Variants in FSTL5 observed in about 807,000 individuals in gnomAD.
FSTL5 encodes follistatin like 5.
FSTL5 carries 62 observed loss-of-function variants against 89.1 expected under a neutral mutation model. The ratio of observed to expected loss-of-function variants is 0.70; its 90% CI spans 0.57 to 0.86. The LOEUF is 0.86. Ranked by LOEUF, FSTL5 falls within the 40% of genes least tolerant of loss-of-function variation. The probability of loss-of-function intolerance (pLI) is 0.00; values close to 1 mark genes in which losing one functional copy is unlikely to be tolerated. For synonymous variants in FSTL5, 383 were observed against 346.2 expected, an observed-to-expected ratio of 1.11 and a Z score of -1.18; for missense variants, 1,057 against 1,001.6, an observed-to-expected ratio of 1.06 and a Z score of -0.75.
chr4:162,124,279 C>T, intron 1 of FSTL5, among the ~76,000 whole-genome samples: 1 of 152,104 alleles, frequency 6.6e-6, no homozygotes, highest in East Asian at 1.9e-4. Context: ...GATGCTGTTT[C>T]TAGACTGAGG....
intron 3 of FSTL5, among the ~76,000 whole-genome samples, chr4:161,992,859 A>AG (rs1485914578): frequency 6.8e-5 from 1 of 14,808 alleles, no homozygotes; most frequent in African/African-American, 2.4e-4. Flanking sequence ...AAAAAAAAAA[A>AG]AAATATATAT....
At position 161,947,068 on chromosome 4, in the gene FSTL5, G is replaced by A. The variant is rs112874850; in HGVS notation, c.161-26416C>T. The stretch of plus-strand genomic sequence containing the variant: ...TTTTTTGTCCAGATGTATTGGGTCT[G>A]ATATCATTTTATACTGAATTTTAGA... On this transcript the variant is annotated intron_variant, in intron 3 of 15. Transcript: ENST00000306100. 3.6e-3 allele frequency among the ~76,000 whole-genome samples: 541 copies of A among 151,946 alleles called. 2 individuals carry two copies. Among genetic ancestry groups the A allele is most frequent in the African/African-American group, 0.013 (519 of 41,478 alleles).
At chr4:161,894,486 T>C (rs1382242738) in intron 4 of FSTL5, among the ~76,000 whole-genome samples, 3 of 152,126 alleles carry the variant, frequency 2.0e-5, no homozygotes, top group African/African-American at 7.2e-5. Flanking sequence ...ATATCTTTTT[T>C]CTTTTTTCTT....
At chr4:161,690,939 A>AGT (rs1220717591) in intron 6 of FSTL5, among the ~76,000 whole-genome samples, 2 of 152,160 alleles carry the variant, frequency 1.3e-5, no homozygotes, top group East Asian at 3.8e-4. Context: ...TGCTAAGAAT[A>AGT]GTGGCCTCTA....
At chr4:161,544,553 G>A (rs560625179) in intron 8 of FSTL5, among the ~76,000 whole-genome samples, 61 of 152,048 alleles carry the variant, frequency 4.0e-4, no homozygotes, top group Admixed American at 3.9e-4. Flanking sequence ...GGCTTAGATA[G>A]TGGTGATGGT....
chr4:162,016,321 C>T (rs1736914400), intron 3 of FSTL5, among the ~76,000 whole-genome samples: 1 of 152,084 alleles, frequency 6.6e-6, no homozygotes, highest in African/African-American at 2.4e-5. Context: ...TAAAAATAGA[C>T]TGTGATAATC....
intron 1 of FSTL5, among the ~76,000 whole-genome samples, chr4:162,151,677 G>C (rs1250292597): frequency 6.6e-6 from 1 of 152,120 alleles, no homozygotes; most frequent in East Asian, 1.9e-4. Flanking sequence ...TCACACAGCA[G>C]GGTTTCCATA....
At chr4:161,737,743 T>C (rs1739867297) in intron 6 of FSTL5, among the ~76,000 whole-genome samples, 2 of 151,962 alleles carry the variant, frequency 1.3e-5, no homozygotes, top group Non-Finnish European at 2.9e-5. Context: ...TAGTTCCTTA[T>C]GTTGTATAAC....
chr4:162,003,087 T>A (rs1008718091), intron 3 of FSTL5, among the ~76,000 whole-genome samples: 5 of 152,036 alleles, frequency 3.3e-5, no homozygotes, highest in Non-Finnish European at 7.4e-5. Flanking sequence ...GAGCTTGCAG[T>A]GAGCCGAGAT....
chr4:161,949,654 GTAA>G (rs1185492401), intron 3 of FSTL5, among the ~76,000 whole-genome samples: 1 of 151,224 alleles, frequency 6.6e-6, no homozygotes, highest in Non-Finnish European at 1.5e-5. Flanking sequence ...ATTGTTTATA[GTAA>G]TTATTATATT....
intron 6 of FSTL5, among the ~76,000 whole-genome samples, chr4:161,694,592 T>A (rs995097197): frequency 6.6e-6 from 1 of 152,114 alleles, no homozygotes; most frequent in Admixed American, 6.5e-5. Context: ...TAGTTAAGAA[T>A]GTTAAAGTCT....
chr4:161,685,254 T>A lies in FSTL5; in HGVS notation c.728-28760A>T, dbSNP rs145265728. On this transcript the variant is annotated intron_variant, in intron 6 of 15. Coordinates refer to ENST00000306100, the MANE Select transcript of FSTL5 (RefSeq NM_020116.5). ...CGGCACTTTTTTGGTCCATATGAAT[T>A]TTAGGATTGTGTTTTCCAATTCTTT... 4.4e-3 allele frequency among the ~76,000 whole-genome samples: 665 copies of A among 152,268 alleles called. 1 individual carries two copies. The highest frequency in any genetic ancestry group is 0.027 in the South Asian group (131 of 4,830).
At chr4:161,527,888 A>G (rs1170861646) in intron 10 of FSTL5, among the ~76,000 whole-genome samples, 4 of 150,768 alleles carry the variant, frequency 2.7e-5, no homozygotes, top group Non-Finnish European at 5.9e-5. Context: ...AAGACTTGGA[A>G]CCAACCCAAA....
chr4:161,420,622 T>C (rs1476374194), intron 15 of FSTL5, among the ~76,000 whole-genome samples: 1 of 151,836 alleles, frequency 6.6e-6, no homozygotes, highest in Non-Finnish European at 1.5e-5. Flanking sequence ...TCTCTTCATA[T>C]AGTCATATAT....
intron 15 of FSTL5, among the ~76,000 whole-genome samples, chr4:161,429,902 C>T (rs1369568327): frequency 6.6e-6 from 1 of 152,074 alleles, no homozygotes; most frequent in Non-Finnish European, 1.5e-5. Flanking sequence ...AATAAGTCAC[C>T]TGGGAGCACT....
At chr4:161,911,384 A>T (rs1002351106) in intron 4 of FSTL5, among the ~76,000 whole-genome samples, 10 of 152,136 alleles carry the variant, frequency 6.6e-5, no homozygotes, top group African/African-American at 2.4e-4. Flanking sequence ...ACTTTATTTC[A>T]TCTTGGTCTA....
chr4:161,779,781 A>ATG (rs1236628906), intron 4 of FSTL5, among the ~76,000 whole-genome samples: 24 of 39,522 alleles, frequency 6.1e-4, no homozygotes, highest in African/African-American at 4.5e-3. Context: ...ATATGTATAT[A>ATG]TATATATATA....
chr4:161,604,538 A>G (rs1352602119), intron 7 of FSTL5, among the ~76,000 whole-genome samples: 2 of 152,200 alleles, frequency 1.3e-5, no homozygotes, highest in Non-Finnish European at 2.9e-5. Flanking sequence ...CTCCCAAGGA[A>G]CAGGCTCTTC....
At chr4:161,850,666 C>T (rs1469975539) in intron 4 of FSTL5, among the ~76,000 whole-genome samples, 1 of 152,096 alleles carries the variant, frequency 6.6e-6, no homozygotes, top group Non-Finnish European at 1.5e-5. Context: ...TTGTACATCA[C>T]ATAAAGTGAC....
Sources: allele counts gnomAD v4.1 joint callset (sites outside exome capture counted in the v4.1 genomes callset), GRCh38; gene constraint gnomAD v4.1.1; transcripts MANE v1.5; gene names NCBI Gene and HGNC (gene_info 2026-07-23, HGNC 2026-07-21).